Variants in CASR observed in about 807,000 individuals in gnomAD.
CASR encodes the protein extracellular calcium-sensing receptor.
A neutral mutation model predicts 69.1 loss-of-function variants in CASR; 23 were observed. That is an observed-to-expected ratio of 0.33 (90% confidence interval 0.24 to 0.47). The LOEUF is 0.47. Ranked by LOEUF, CASR falls within the 20% of genes least tolerant of loss-of-function variation. CASR has a pLI of 1.00. For missense variants in CASR, 924 were observed against 1,356.1 expected (o/e 0.68, Z 5.00); for synonymous variants, 541 against 544.7 (o/e 0.99, Z 0.10).
intron 1 of CASR, among the ~76,000 whole-genome samples, chr3:122,227,251 C>T (rs1006803247): frequency 2.0e-5 from 3 of 151,530 alleles, no homozygotes; most frequent in African/African-American, 7.3e-5. Flanking sequence ...GACTGGGCTC[C>T]ATGGAGCAGG....
intron 1 of CASR, among the ~76,000 whole-genome samples, chr3:122,220,581 C>G (rs969423479): frequency 6.6e-6 from 1 of 152,186 alleles, no homozygotes; most frequent in African/African-American, 2.4e-5. Flanking sequence ...GAAGAGAAGA[C>G]AGAGTTAAGA....
Position 122,196,157 on chromosome 3 carries a change from A to G in CASR, c.-243+12345A>G, listed in dbSNP as rs558355573. Among the ~76,000 whole-genome samples, 31 of 152,332 alleles carry G rather than the reference A, an allele frequency of 2.0e-4. No individual in the cohort carries two copies. In the South Asian group the frequency reaches 6.4e-3, roughly 32 times the overall value. On this transcript the variant is annotated intron_variant, in intron 1 of 6. Transcript: ENST00000639785. ...AGTAGTAATTATAAATAATGTGGAA[A>G]AAGACTATGTAGTGACATAGAAATG... is the stretch of plus-strand genomic sequence containing the variant.
chr3:122,284,198 G>C lies in CASR; in HGVS notation c.2244G>C (p.Pro748=), dbSNP rs2036400. The stretch of plus-strand genomic sequence containing the variant: ...TGATCTGGCTCTACACCGCGCCCCC[G>C]TCAAGCTACCGCAACCAGGAGCTGG... ...ICVIWLYTAP[P]SSYRNQELED... Residue 748 remains proline (P), a synonymous_variant, in exon 7 of 7, where the codon CCG becomes CCC. Coordinates refer to ENST00000639785, the MANE Select transcript of CASR (RefSeq NM_000388.4). 1,606,187 of 1,614,012 alleles carry C rather than the reference G, an allele frequency of 1. 799,557 individuals carry two copies. The highest frequency in any genetic ancestry group is 1 in the East Asian group (44,848 of 44,848).
intron 1 of CASR, among the ~76,000 whole-genome samples, chr3:122,237,424 A>G (rs1042258480): frequency 6.6e-6 from 1 of 152,180 alleles, no homozygotes; most frequent in African/African-American, 2.4e-5. Context: ...TTAAAATTCC[A>G]CAGAGCTCTT....
intron 3 of CASR, among the ~76,000 whole-genome samples, chr3:122,259,277 G>A (rs764898581): frequency 6.6e-6 from 1 of 152,078 alleles, no homozygotes; most frequent in Non-Finnish European, 1.5e-5. Context: ...AACTCAAGAA[G>A]CAAGCAATAA....
At chr3:122,240,842 C>T (rs772100410) in intron 1 of CASR, among the ~76,000 whole-genome samples, 7 of 151,946 alleles carry the variant, frequency 4.6e-5, no homozygotes, top group Non-Finnish European at 1.0e-4. Context: ...TGTCTTTGAC[C>T]ACAATGAAAT....
chr3:122,208,940 A>G (rs2074035268), intron 1 of CASR, among the ~76,000 whole-genome samples: 1 of 152,216 alleles, frequency 6.6e-6, no homozygotes, highest in South Asian at 2.1e-4. Flanking sequence ...ACTCTCAGTC[A>G]CTAGAGTTCG....
In CASR at chr3:122,258,114, G is replaced by A. The variant is rs114975332; in HGVS notation, c.492+727G>A. Among the ~76,000 whole-genome samples, 762 of 152,084 alleles carry A rather than the reference G, an allele frequency of 5.0e-3. 3 individuals carry two copies. The highest frequency in any genetic ancestry group is 7.6e-3 in the Non-Finnish European group (520 of 67,994). On this transcript the variant is annotated intron_variant, in intron 3 of 6. Coordinates refer to ENST00000639785, the MANE Select transcript of CASR (RefSeq NM_000388.4). ...ATAACCTGACATTTTCCTTCTTAACGCTATAGAGCAAAGCATTTTTCAGTT... is the reference window on the plus strand; with the variant it reads ...ATAACCTGACATTTTCCTTCTTAACACTATAGAGCAAAGCATTTTTCAGTT...
intron 1 of CASR, among the ~76,000 whole-genome samples, chr3:122,220,127 A>C (rs1222955912): frequency 6.6e-6 from 1 of 152,216 alleles, no homozygotes; most frequent in African/African-American, 2.4e-5. Context: ...GGCCACAAGC[A>C]TCTCCATTTT....
intron 4 of CASR, among the ~76,000 whole-genome samples, chr3:122,269,554 A>G (rs977047829): frequency 3.9e-5 from 6 of 152,232 alleles, no homozygotes; most frequent in African/African-American, 1.4e-4. Flanking sequence ...CTACTTGGTC[A>G]TAATGTATAT....
chr3:122,271,508 G>A (rs2074757181), intron 4 of CASR, among the ~76,000 whole-genome samples: 1 of 152,154 alleles, frequency 6.6e-6, no homozygotes. Flanking sequence ...TGTTATCAAG[G>A]ATCCTGCCAA....
At chr3:122,248,438 A>G (rs904329574) in intron 1 of CASR, among the ~76,000 whole-genome samples, 2 of 152,206 alleles carry the variant, frequency 1.3e-5, no homozygotes, top group Non-Finnish European at 2.9e-5. Context: ...CCTTTCTGCA[A>G]TAGTGGCTTC....
intron 4 of CASR, among the ~76,000 whole-genome samples, chr3:122,274,761 A>T (rs1393097294): frequency 6.6e-6 from 1 of 152,182 alleles, no homozygotes; most frequent in Non-Finnish European, 1.5e-5. Flanking sequence ...AAATTAGCTC[A>T]GAATGGGAGA....
chr3:122,252,414 A>G (rs1280823750), intron 1 of CASR, among the ~76,000 whole-genome samples: 7 of 43,478 alleles, frequency 1.6e-4, no homozygotes, highest in East Asian at 1.0e-3. Context: ...AAGGAAAAAG[A>G]AAGAAAGAAA....
At chr3:122,216,954 C>G (rs1164445022) in intron 1 of CASR, among the ~76,000 whole-genome samples, 1 of 152,164 alleles carries the variant, frequency 6.6e-6, no homozygotes, top group Non-Finnish European at 1.5e-5. Context: ...ATATGCCAGG[C>G]ATTGTGCTGT....
intron 1 of CASR, among the ~76,000 whole-genome samples, chr3:122,218,296 G>A: frequency 6.6e-6 from 1 of 152,084 alleles, no homozygotes; most frequent in East Asian, 1.9e-4. Flanking sequence ...AGCACTTTGG[G>A]AGGCTGAGGC....
At chr3:122,234,363 G>A (rs1192163864) in intron 1 of CASR, among the ~76,000 whole-genome samples, 1 of 152,192 alleles carries the variant, frequency 6.6e-6, no homozygotes, top group African/African-American at 2.4e-5. Context: ...TTGGCCCATG[G>A]AATGTAGTTG....
chr3:122,263,805 A>T (rs1299295783), intron 4 of CASR, among the ~76,000 whole-genome samples: 2 of 152,164 alleles, frequency 1.3e-5, no homozygotes, highest in African/African-American at 2.4e-5. Flanking sequence ...GCCAAGATAG[A>T]GGTGCTGTAA....
chr3:122,259,720 C>T (rs889397192), intron 3 of CASR, among the ~76,000 whole-genome samples: 3 of 149,200 alleles, frequency 2.0e-5, no homozygotes, highest in Non-Finnish European at 4.4e-5. Context: ...AGCTCTGCCT[C>T]CCGGGTTCAC....
Sources: allele counts gnomAD v4.1 joint callset (sites outside exome capture counted in the v4.1 genomes callset), GRCh38; gene constraint gnomAD v4.1.1; transcripts MANE v1.5; gene names NCBI Gene and HGNC (gene_info 2026-07-23, HGNC 2026-07-21).